MED21: variants seen among roughly 807,000 people sequenced by gnomAD.
The protein encoded by MED21 is mediator complex subunit 21, also known as mediator of RNA polymerase II transcription subunit 21.
In MED21, 9 loss-of-function variants were observed where a neutral mutation model predicts 18.2. That is an observed-to-expected ratio of 0.49 (90% CI 0.30 to 0.86). The LOEUF (loss-of-function observed/expected upper bound fraction) is 0.86, where lower values mean the gene tolerates loss of function less well. Ranked by LOEUF, MED21 falls within the 40% of genes least tolerant of loss-of-function variation. The probability of loss-of-function intolerance (pLI) is 0.07; values close to 1 mark genes in which losing one functional copy is unlikely to be tolerated. For missense variants in MED21, 150 were observed against 170.9 expected (o/e 0.88, Z 0.68); for synonymous variants, 73 against 60.5 (o/e 1.21, Z -0.96).
At chr12:27,022,838 G>T (rs1437288606) in intron 1 of MED21, 5 of 1,471,782 alleles carry the variant, frequency 3.4e-6, no homozygotes, top group Non-Finnish European at 4.5e-6. Context: ...AGACTCTTTC[G>T]CTTGAGGAGA....
intron 1 of MED21, among the ~76,000 whole-genome samples, chr12:27,025,755 C>G (rs1387235929): frequency 6.6e-6 from 1 of 152,024 alleles, no homozygotes; most frequent in African/African-American, 2.4e-5. Context: ...TTTGAGAGGT[C>G]AAGACTAGGT....
At chr12:27,022,772 G>C in intron 1 of MED21, 151 bp downstream of exon 1, 6 of 1,534,170 alleles carry the variant, frequency 3.9e-6, no homozygotes, top group Non-Finnish European at 5.2e-6. Flanking sequence ...GCGCCACCGC[G>C]AACTCGGAGG....
In MED21 at chr12:27,029,059, TC is replaced by T; in HGVS notation, c.*600del. The T allele has an allele frequency of 1.0e-6, 1 of 985,434 alleles. No homozygotes were observed. The highest frequency in any genetic ancestry group is 1.2e-6 in the Non-Finnish European group (1 of 829,900). The allele number at this position is 985,434 out of a possible 1,614,324, so 61.0% of individuals were successfully genotyped here. ...TCTCCACGTTTATTTTACCAAGAGA[TC>T]CTCTGTCAAGAGAATTTCCTGGCTG... On this transcript the variant is annotated 3_prime_UTR_variant, in exon 4 of 4. Transcript: ENST00000282892.
chr12:27,028,360 G>A lies in MED21; in HGVS notation c.334G>A (p.Asp112Asn). The part of the protein sequence containing the change: ...TCLEDVVYRG[D>N]MLLEKIQSAL... ...TCTGGAGGATGTTGTTTATCGAGGA[G>A]ACATGCTTCTGGAGAAGATACAAAG... is the stretch of plus-strand genomic sequence containing the variant. The change falls in exon 4 of 4, where the codon GAC becomes AAC. Residue 112 changes from aspartate to asparagine, a missense_variant. Asp to Asn is a conservative substitution (Grantham distance 23). Transcript: ENST00000282892. 1 of 1,614,190 alleles carries A rather than the reference G, an allele frequency of 6.2e-7. No homozygotes were observed. The highest frequency in any genetic ancestry group is 1.3e-5 in the African/African-American group (1 of 75,058).
chr12:27,022,910 G>A (rs1049297018), intron 1 of MED21: 3 of 1,328,054 alleles, frequency 2.3e-6, no homozygotes, highest in Admixed American at 3.0e-5. Context: ...CGGTCCTGTC[G>A]TGTTCCCTGA....
chr12:27,037,944 G>C (rs1289313765), intron 2 of MED21: 2 of 152,150 alleles, frequency 1.3e-5, no homozygotes, highest in Admixed American at 1.3e-4. Flanking sequence ...CTTGGCAGAG[G>C]AGAAACAGCA....
In MED21 at chr12:27,027,334, T is replaced by G. The variant is rs751781747; in HGVS notation, c.158-13T>G. On this transcript the variant is annotated splice_polypyrimidine_tract_variant and intron_variant, in intron 2 of 3. Transcript: ENST00000282892. ...GTTTTCTAATATCCTAATCTAGCAG[T>G]ATCTTTCTCTAGAGTATGCCCAGCT... 15 of 1,587,472 alleles carry G rather than the reference T, an allele frequency of 9.4e-6. No homozygotes were observed. The highest frequency in any genetic ancestry group is 6.0e-6 in the Non-Finnish European group (7 of 1,161,566).
chr12:27,028,058 A>G (rs572558570), intron 3 of MED21, among the ~76,000 whole-genome samples: 1 of 152,354 alleles, frequency 6.6e-6, no homozygotes, highest in East Asian at 1.9e-4. Context: ...GTCTAAACGT[A>G]ATGTGTAAGG....
In MED21 at chr12:27,028,305, A is replaced by G. The variant is rs1856218278; in HGVS notation, c.279A>G (p.Leu93=). Residue 93 remains leucine (L), a synonymous_variant, in exon 4 of 4, where the codon CTA becomes CTG. Coordinates refer to ENST00000282892, the MANE Select transcript of MED21 (RefSeq NM_004264.5). ...TAAAGGCTGCTAGCTTGTATAAGCT[A>G]GAAGAAGAAAACCATGAAGCTGCTA... The part of the protein sequence containing the change: ...AALQAASLYK[L]EEENHEAATC... 6.2e-7 allele frequency: 1 copy of G among 1,613,964 alleles called. No individual in the cohort carries two copies. Among genetic ancestry groups the G allele is most frequent in the Non-Finnish European group, 8.5e-7 (1 of 1,179,836 alleles).
chr12:27,022,830 A>T (rs1941489998), intron 1 of MED21: 1 of 1,484,896 alleles, frequency 6.7e-7, no homozygotes, highest in South Asian at 1.2e-5. Flanking sequence ...GAGGGAGCAG[A>T]CTCTTTCGCT....
intron 2 of MED21, among the ~76,000 whole-genome samples, chr12:27,036,373 T>A (rs1434026250): frequency 6.6e-6 from 1 of 152,210 alleles, no homozygotes; most frequent in Non-Finnish European, 1.5e-5. Context: ...GAAAATTTTC[T>A]CCCATTCTGT....
At chr12:27,033,486 A>G (rs1941632113), downstream of MED21, among the ~76,000 whole-genome samples, 1 of 152,210 alleles carries the variant, frequency 6.6e-6, no homozygotes, top group South Asian at 2.1e-4. Context: ...CATTCAGAGC[A>G]TAGCACTATT....
At chr12:27,037,815 G>C (rs1472819608) in intron 2 of MED21, 3 of 152,090 alleles carry the variant, frequency 2.0e-5, no homozygotes, top group African/African-American at 7.2e-5. Context: ...TCTTTGATTT[G>C]ATCAAATATG....
chr12:27,024,984 G>GT (rs1471105001), intron 1 of MED21, among the ~76,000 whole-genome samples: 1 of 152,182 alleles, frequency 6.6e-6, no homozygotes, highest in Admixed American at 6.5e-5. Context: ...TCTGAAAACC[G>GT]TGAGTGCAGA....
intron 3 of MED21, 53 bp downstream of exon 3, chr12:27,027,500 A>C (rs1941561763): frequency 7.4e-7 from 1 of 1,344,210 alleles, no homozygotes; most frequent in African/African-American, 1.5e-5. Flanking sequence ...TTTTGAATTA[A>C]AGGAGGTAGA....
At chr12:27,032,015 C>T (rs1318235478), downstream of MED21, among the ~76,000 whole-genome samples, 1 of 152,168 alleles carries the variant, frequency 6.6e-6, no homozygotes, top group Non-Finnish European at 1.5e-5. Context: ...TGGTACCCAG[C>T]TTTGAGAGGA....
rs1054343375 is a variant in MED21, at chr12:27,030,428, C to T, written c.*1967C>T. 19 of 379,498 alleles carry T rather than the reference C, an allele frequency of 5.0e-5. No individual in the cohort carries two copies. Among genetic ancestry groups the T allele is most frequent in the African/African-American group, 2.3e-4 (11 of 48,104 alleles). 23.5% of individuals were successfully genotyped at this position (379,498 alleles called of 1,614,324 possible). ...TTAAGTATTTGTATCATCCCTAGAG[C>T]GACACAGATTTTTCCCTAAAAAACT... On this transcript the variant is annotated 3_prime_UTR_variant, in exon 4 of 4. Transcript: ENST00000282892.
rs1941575464 is a variant in MED21, at chr12:27,028,569, C to A, written c.*108C>A. ...CCAACAATTACAGAAACATTAAACA[C>A]TATGACACATTACCTTTTTAGCTAT... On this transcript the variant is annotated 3_prime_UTR_variant, in exon 4 of 4. Coordinates refer to ENST00000282892, the MANE Select transcript of MED21 (RefSeq NM_004264.5). The A allele has an allele frequency of 6.3e-6, 9 of 1,424,058 alleles. No individual in the cohort carries two copies. The highest frequency in any genetic ancestry group is 2.6e-5 in the Admixed American group (1 of 37,738). The allele number at this position is 1,424,058 out of a possible 1,614,324, so 88.2% of individuals were successfully genotyped here.
In MED21 at chr12:27,036,810, G is replaced by A. The variant is rs185517944; in HGVS notation, n.147-9344G>A. On this transcript the variant is annotated intron_variant and non_coding_transcript_variant, in intron 2 of 4. Transcript: ENST00000538186. ...TCCATTGATTTATATCTCTGTTTTG[G>A]TACCAGTACCATGCTGTTTTGGTTA... is the stretch of plus-strand genomic sequence containing the variant. 6.3e-3 allele frequency among the ~76,000 whole-genome samples: 963 copies of A among 152,152 alleles called. 8 individuals carry two copies. Among genetic ancestry groups the A allele is most frequent in the Admixed American group, 0.017 (257 of 15,292 alleles).
Sources: allele counts gnomAD v4.1 joint callset (sites outside exome capture counted in the v4.1 genomes callset), GRCh38; gene constraint gnomAD v4.1.1; transcripts MANE v1.5; gene names NCBI Gene and HGNC (gene_info 2026-07-23, HGNC 2026-07-21).